The following NPAS3 variants were observed in gnomAD, a reference collection of about 807,000 sequenced individuals.
The protein encoded by NPAS3 is neuronal PAS domain protein 3, also known as neuronal PAS domain-containing protein 3.
A neutral mutation model predicts 73.1 loss-of-function variants in NPAS3; 14 were observed. The observed-to-expected ratio is 0.19, with a 90% CI of 0.13 to 0.30. The LOEUF (loss-of-function observed/expected upper bound fraction) is 0.30, where lower values mean the gene tolerates loss of function less well. Ranked by LOEUF, NPAS3 falls within the 10% of genes least tolerant of loss-of-function variation. The pLI is 1.00. For synonymous variants in NPAS3, 620 were observed against 541.5 expected (o/e 1.14, Z -2.01); for missense variants, 1,096 against 1,250.0 (o/e 0.88, Z 1.86).
chr14:33,554,371 G>T (rs1026390558), intron 4 of NPAS3, among the ~76,000 whole-genome samples: 1 of 152,184 alleles, frequency 6.6e-6, no homozygotes, highest in Admixed American at 6.5e-5. Context: ...TATCACGTAT[G>T]GGCATTTTCT....
chr14:33,732,755 A>G (rs1238416483), intron 6 of NPAS3, among the ~76,000 whole-genome samples: 1 of 152,170 alleles, frequency 6.6e-6, no homozygotes, highest in Non-Finnish European at 1.5e-5. Context: ...TGTCCTGGGT[A>G]TAATTAACGT....
chr14:33,002,398 T>C (rs1313446604), intron 1 of NPAS3, among the ~76,000 whole-genome samples: 2 of 152,202 alleles, frequency 1.3e-5, no homozygotes, highest in Admixed American at 6.5e-5. Context: ...TTGGGAGCCA[T>C]TGATGGCTTT....
intron 1 of NPAS3, among the ~76,000 whole-genome samples, chr14:33,000,111 C>T (rs1388231570): frequency 6.6e-6 from 1 of 152,158 alleles, no homozygotes; most frequent in Non-Finnish European, 1.5e-5. Context: ...GAGTTGCTGG[C>T]AACAGGATTT....
chr14:33,152,199 CAGT>C (rs1595559534), intron 2 of NPAS3, among the ~76,000 whole-genome samples: 1 of 152,086 alleles, frequency 6.6e-6, no homozygotes, highest in East Asian at 1.9e-4. Flanking sequence ...CCCCAAATGT[CAGT>C]AGTACCAAGG....
chr14:33,734,493 A>G (rs8011689), intron 6 of NPAS3, among the ~76,000 whole-genome samples: 9,498 of 152,204 alleles, frequency 0.062, 595 homozygotes, highest in African/African-American at 0.16. Flanking sequence ...TTTAAGAGAG[A>G]AAATCATTAT....
intron 5 of NPAS3, among the ~76,000 whole-genome samples, chr14:33,574,878 A>C (rs184046788): frequency 6.6e-6 from 1 of 152,312 alleles, no homozygotes; most frequent in African/African-American, 2.4e-5. Context: ...TTCTGAACTC[A>C]TGGTGGCTCT....
intron 4 of NPAS3, among the ~76,000 whole-genome samples, chr14:33,553,060 A>G (rs558821074): frequency 6.0e-4 from 92 of 152,328 alleles, no homozygotes; most frequent in Middle Eastern, 3.4e-3. Flanking sequence ...CTCTGGGACA[A>G]ACCAGAGATA....
At chr14:33,443,779 G>C (rs12879034) in intron 4 of NPAS3, among the ~76,000 whole-genome samples, 7,533 of 152,308 alleles carry the variant, frequency 0.049, 239 homozygotes, top group South Asian at 0.094. Context: ...AGGAAAGTGG[G>C]GAGCCCAGCC....
chr14:32,971,376 C>T (rs191871045), intron 1 of NPAS3, among the ~76,000 whole-genome samples: 219 of 152,238 alleles, frequency 1.4e-3, no homozygotes, highest in African/African-American at 5.2e-3. Context: ...TGAGCCACCA[C>T]GCCTGGCCTG....
At chr14:33,796,733 C>A (rs542259291) in intron 10 of NPAS3, among the ~76,000 whole-genome samples, 21 of 152,294 alleles carry the variant, frequency 1.4e-4, no homozygotes, top group African/African-American at 4.3e-4. Flanking sequence ...TCCAAAAGAG[C>A]CTTGTTTCCA....
At position 33,769,756 on chromosome 14, in the gene NPAS3, C is replaced by CTTTTTTTTTTTTTTTTTTT; in HGVS notation, c.853-4573_853-4555dup. ...CCTGAAAGACTTGGATTTTTTTTTT[C>CTTTTTTTTTTTTTTTTTTT]TTTTTTTTTTTTTTTTTTTTTTTTT... On this transcript the variant is annotated intron_variant, in intron 7 of 11. Transcript: ENST00000356141. Among the ~76,000 whole-genome samples, 2 of 81,882 alleles carry CTTTTTTTTTTTTTTTTTTT rather than the reference C, an allele frequency of 2.4e-5. 1 individual carries two copies. Among genetic ancestry groups the CTTTTTTTTTTTTTTTTTTT allele is most frequent in the Non-Finnish European group, 4.4e-5 (2 of 44,984 alleles). The allele number at this position is 81,882 out of a possible 152,430, so 53.7% of individuals were successfully genotyped here. A position where few individuals can be genotyped will look rare whatever the true frequency, so the allele number is the denominator to read the frequency against.
intron 5 of NPAS3, among the ~76,000 whole-genome samples, chr14:33,658,288 C>T (rs2140262466): frequency 1.3e-5 from 2 of 152,312 alleles, no homozygotes. Flanking sequence ...GTGGTGAAGA[C>T]AGATAGAGGA....
At chr14:33,001,522 C>T (rs547835488) in intron 1 of NPAS3, among the ~76,000 whole-genome samples, 20 of 152,186 alleles carry the variant, frequency 1.3e-4, no homozygotes, top group African/African-American at 3.4e-4. Context: ...CGTGCCCTGC[C>T]GTCACCTCAC....
rs537074453 is a variant in NPAS3, at chr14:33,595,749, C to G, written c.558+35539C>G. On this transcript the variant is annotated intron_variant, in intron 5 of 11. Transcript: ENST00000356141. ...GCAGTGGCGCGTTCTCGGCTCACTGCAAGATCCGCCGCCCGGGTTCACGCC... is the reference window on the plus strand; with the variant it reads ...GCAGTGGCGCGTTCTCGGCTCACTGGAAGATCCGCCGCCCGGGTTCACGCC... Among the ~76,000 whole-genome samples, 42 of 152,294 alleles carry G rather than the reference C, an allele frequency of 2.8e-4. No individual in the cohort carries two copies. The East Asian group carries it at 7.7e-3, about 28-fold the overall frequency.
At chr14:33,089,164 G>A (rs2042137143) in intron 2 of NPAS3, among the ~76,000 whole-genome samples, 1 of 152,222 alleles carries the variant, frequency 6.6e-6, no homozygotes, top group Non-Finnish European at 1.5e-5. Flanking sequence ...TCTTTGACGA[G>A]TTGAGAGAAG....
intron 1 of NPAS3, among the ~76,000 whole-genome samples, chr14:33,028,693 A>G (rs910640615): frequency 1.3e-5 from 2 of 152,218 alleles, no homozygotes; most frequent in Non-Finnish European, 2.9e-5. Flanking sequence ...GTACAGGTAC[A>G]GTGGGAACAC....
Position 33,777,645 on chromosome 14 carries a change from C to T in NPAS3, c.1047-821C>T, listed in dbSNP as rs1220486342. On this transcript the variant is annotated intron_variant, in intron 8 of 11. Transcript: ENST00000356141. The stretch of plus-strand genomic sequence containing the variant: ...TTGGACTGACCAAAAGGAATCTGCA[C>T]TTGGTAATACAGAGGGTAACAAGCA... Among the ~76,000 whole-genome samples, 2 of 151,922 alleles carry T rather than the reference C, an allele frequency of 1.3e-5. 1 individual carries two copies. Among genetic ancestry groups the T allele is most frequent in the Non-Finnish European group, 2.9e-5 (2 of 68,010 alleles).
intron 2 of NPAS3, among the ~76,000 whole-genome samples, chr14:33,088,375 A>C (rs907683863): frequency 1.3e-5 from 2 of 152,220 alleles, no homozygotes; most frequent in African/African-American, 4.8e-5. Context: ...AGCAAACAGC[A>C]CACCAGGAGA....
chr14:33,316,921 C>T (rs2140219890), intron 3 of NPAS3, among the ~76,000 whole-genome samples: 1 of 152,142 alleles, frequency 6.6e-6, no homozygotes, highest in African/African-American at 2.4e-5. Context: ...TGTGGTTATT[C>T]AAGCAAAGTA....
Sources: gnomAD v4.1 joint callset for allele counts (sites outside exome capture counted in the v4.1 genomes callset) on GRCh38, gnomAD v4.1.1 for gene constraint, MANE v1.5 for transcripts, NCBI Gene and HGNC (gene_info 2026-07-23, HGNC 2026-07-21) for gene names.